Variants in CLSTN2 observed in about 807,000 individuals in gnomAD.
The protein encoded by CLSTN2 is calsyntenin 2, also known as calsyntenin-2.
In CLSTN2, 48 loss-of-function variants were observed where a neutral mutation model predicts 101.2. The ratio of observed to expected loss-of-function variants is 0.47; its 90% confidence interval spans 0.38 to 0.60. The LOEUF (loss-of-function observed/expected upper bound fraction) is 0.60. CLSTN2 is among the 20% of genes least tolerant of loss of function. CLSTN2 has a pLI of 0.00. For synonymous variants in CLSTN2, 481 were observed against 463.6 expected (o/e 1.04, Z -0.48); for missense variants, 1,160 against 1,238.2 (o/e 0.94, Z 0.95).
At chr3:140,254,919 G>A (rs2086592933) in intron 2 of CLSTN2, among the ~76,000 whole-genome samples, 1 of 152,034 alleles carries the variant, frequency 6.6e-6, no homozygotes, top group Non-Finnish European at 1.5e-5. Flanking sequence ...TCCAACAAAG[G>A]TGTAATATCC....
At chr3:140,188,525 GCT>G (rs1309383550) in intron 2 of CLSTN2, among the ~76,000 whole-genome samples, 1 of 152,104 alleles carries the variant, frequency 6.6e-6, no homozygotes, top group Admixed American at 6.6e-5. Flanking sequence ...TGCCATCCCA[GCT>G]GGTGTGCTTC....
At position 140,086,775 on chromosome 3, in the gene CLSTN2, T is replaced by G. The variant is rs541080171; in HGVS notation, c.110-89176T>G. Among the ~76,000 whole-genome samples the G allele has an allele frequency of 3.9e-5, 6 of 152,364 alleles. 1 individual carries two copies. The highest frequency in any genetic ancestry group is 1.4e-4 in the African/African-American group (6 of 41,598). ...TCTCTCAATCCTTGAAAATTAGGAC[T>G]TTTGTCATTGCTTAATCTTCAGGCA... On this transcript the variant is annotated intron_variant, in intron 1 of 16. Transcript: ENST00000458420.
chr3:140,291,682 C>T (rs2086955409), intron 2 of CLSTN2, among the ~76,000 whole-genome samples: 1 of 151,522 alleles, frequency 6.6e-6, no homozygotes, highest in Non-Finnish European at 1.5e-5. Flanking sequence ...GCGTATTCCC[C>T]TGTCTGCTTG....
rs141109416 is a variant in CLSTN2, at chr3:140,566,098, G to A, written c.2713G>A (p.Glu905Lys). The A allele has an allele frequency of 3.1e-6, 5 of 1,612,682 alleles. No homozygotes were observed. The African/African-American group carries it at 6.7e-5, about 22-fold the overall frequency. Reference protein sequence around the residue: ...GHGEDETEGEEEEEAEEEMSS... With the variant: ...GHGEDETEGEKEEEAEEEMSS... ...TGGGGAAGATGAGACTGAGGGAGAA[G>A]AGGAGGAAGAAGCCGAGGAAGAAAT... Residue 905 changes from glutamate to lysine, a missense_variant, in exon 17 of 17, where the codon GAG becomes AAG. Glu to Lys is a moderately conservative substitution (Grantham distance 56). Coordinates refer to ENST00000458420, the MANE Select transcript of CLSTN2 (RefSeq NM_022131.3).
chr3:140,407,728 T>A (rs1032904224), intron 4 of CLSTN2, among the ~76,000 whole-genome samples: 1 of 152,216 alleles, frequency 6.6e-6, no homozygotes, highest in Non-Finnish European at 1.5e-5. Flanking sequence ...TGAGATGGCC[T>A]CATCTGCTAG....
chr3:140,035,194 G>A (rs2007630870), intron 1 of CLSTN2, among the ~76,000 whole-genome samples: 1 of 152,198 alleles, frequency 6.6e-6, no homozygotes, highest in African/African-American at 2.4e-5. Context: ...ATGACCATTA[G>A]CCAAGAAACT....
chr3:139,975,226 G>A (rs767181041), intron 1 of CLSTN2, among the ~76,000 whole-genome samples: 4 of 152,168 alleles, frequency 2.6e-5, no homozygotes, highest in Non-Finnish European at 4.4e-5. Context: ...TCAAGAACTG[G>A]GGTGGGAGGT....
At chr3:140,076,694 G>C (rs2008499458) in intron 1 of CLSTN2, among the ~76,000 whole-genome samples, 1 of 130,138 alleles carries the variant, frequency 7.7e-6, no homozygotes, top group Non-Finnish European at 1.5e-5. Context: ...AGTCTTCCCT[G>C]GCCACCCTGG....
At chr3:140,487,843 A>G (rs1224782354) in intron 8 of CLSTN2, among the ~76,000 whole-genome samples, 1 of 152,248 alleles carries the variant, frequency 6.6e-6, no homozygotes, top group African/African-American at 2.4e-5. Context: ...AGGGAACAAT[A>G]AGGCTATAGC....
intron 8 of CLSTN2, among the ~76,000 whole-genome samples, chr3:140,509,467 G>A (rs925384155): frequency 2.0e-5 from 3 of 152,198 alleles, no homozygotes; most frequent in African/African-American, 7.2e-5. Context: ...CACACTTTGA[G>A]AACCACTGTT....
intron 2 of CLSTN2, among the ~76,000 whole-genome samples, chr3:140,369,859 C>A (rs569500628): frequency 6.6e-6 from 1 of 152,276 alleles, no homozygotes; most frequent in South Asian, 2.1e-4. Flanking sequence ...GTAGCACCAC[C>A]CAAAGCAGCC....
At chr3:140,407,080 C>T (rs148013909) in intron 4 of CLSTN2, among the ~76,000 whole-genome samples, 2 of 152,244 alleles carry the variant, frequency 1.3e-5, no homozygotes, top group Non-Finnish European at 2.9e-5. Context: ...CCCCTGACAG[C>T]GAGGTGTACA....
intron 6 of CLSTN2, chr3:140,454,575 G>A (rs1169133380): frequency 6.6e-6 from 1 of 152,210 alleles, no homozygotes; most frequent in African/African-American, 2.4e-5. Context: ...ATCAGTCGGG[G>A]TAAGACAGGT....
chr3:140,421,423 C>T (rs1315767327), intron 5 of CLSTN2, 149 bp downstream of exon 5: 12 of 940,902 alleles, frequency 1.3e-5, no homozygotes, highest in Non-Finnish European at 1.9e-5. Context: ...ATTCTCACAA[C>T]TCTTAGGTGA....
intron 1 of CLSTN2, among the ~76,000 whole-genome samples, chr3:140,052,909 C>A (rs1337068716): frequency 3.9e-5 from 6 of 152,288 alleles, no homozygotes; most frequent in Admixed American, 2.6e-4. Flanking sequence ...TAATAGCAAA[C>A]CTTGGGTGTG....
At chr3:140,540,213 C>G (rs938164637) in intron 9 of CLSTN2, among the ~76,000 whole-genome samples, 1 of 152,120 alleles carries the variant, frequency 6.6e-6, no homozygotes, top group Non-Finnish European at 1.5e-5. Context: ...TTGTTGTCAT[C>G]GCTAAGTTGT....
chr3:140,458,016 CCTT>C (rs892106853), intron 6 of CLSTN2, among the ~76,000 whole-genome samples: 10 of 152,158 alleles, frequency 6.6e-5, no homozygotes, highest in African/African-American at 2.4e-4. Context: ...CATAGCATAA[CCTT>C]CTATTGCTAC....
intron 2 of CLSTN2, among the ~76,000 whole-genome samples, chr3:140,180,594 G>T (rs949807438): frequency 1.3e-5 from 2 of 152,192 alleles, no homozygotes; most frequent in African/African-American, 4.8e-5. Context: ...CCCCACCGAG[G>T]TCTGTTAGGA....
At chr3:140,274,858 T>C (rs2086779528) in intron 2 of CLSTN2, among the ~76,000 whole-genome samples, 1 of 152,100 alleles carries the variant, frequency 6.6e-6, no homozygotes, top group Admixed American at 6.5e-5. Context: ...AATCAGGAAA[T>C]ATTCCAGACA....
Sources: allele counts gnomAD v4.1 joint callset (sites outside exome capture counted in the v4.1 genomes callset), GRCh38; gene constraint gnomAD v4.1.1; transcripts MANE v1.5; gene names NCBI Gene and HGNC (gene_info 2026-07-23, HGNC 2026-07-21).